The following NDE1 variants were observed in gnomAD, a reference collection of about 807,000 sequenced individuals.
The protein encoded by NDE1 is nudE neurodevelopment protein 1, also known as nuclear distribution protein nudE homolog 1.
A neutral mutation model predicts 43.4 loss-of-function variants in NDE1; 28 were observed. The ratio of observed to expected loss-of-function variants is 0.65; its 90% CI spans 0.48 to 0.89. The LOEUF is 0.89. Ranked by LOEUF, NDE1 falls within the 40% of genes least tolerant of loss-of-function variation. The pLI is 0.00. For missense variants in NDE1, 441 were observed against 434.1 expected (o/e 1.02, Z -0.14); for synonymous variants, 184 against 172.0 (o/e 1.07, Z -0.55).
chr16:15,687,111 A>G, intron 4 of NDE1: 1 of 1,337,192 alleles, frequency 7.5e-7, no homozygotes, highest in Non-Finnish European at 9.7e-7. Context: ...GCTTTGGCTT[A>G]TTGCTGAGTG....
chr16:15,713,349 T>C (rs2039928478), intron 8 of NDE1: 1 of 151,736 alleles, frequency 6.6e-6, no homozygotes, highest in African/African-American at 2.4e-5. Flanking sequence ...TTGAGTTAAG[T>C]AGGAAGTAAG....
chr16:15,656,140 A>G (rs1330097930), intron 1 of NDE1, among the ~76,000 whole-genome samples: 1 of 152,148 alleles, frequency 6.6e-6, no homozygotes, highest in Non-Finnish European at 1.5e-5. Flanking sequence ...AATAATAAAG[A>G]AAAAGAAAAA....
At chr16:15,700,097 G>A in intron 8 of NDE1, 1 of 1,141,634 alleles carries the variant, frequency 8.8e-7, no homozygotes, top group South Asian at 1.8e-5. Flanking sequence ...TCGGTGATGA[G>A]GCTACCGTGT....
intron 3 of NDE1, among the ~76,000 whole-genome samples, chr16:15,673,609 T>C (rs2037712831): frequency 6.6e-6 from 1 of 151,854 alleles, no homozygotes; most frequent in Non-Finnish European, 1.5e-5. Context: ...CATAGTTTAC[T>C]GGAGCCTCAA....
At chr16:15,693,209 T>A (rs1311290699) in intron 6 of NDE1, among the ~76,000 whole-genome samples, 1 of 152,138 alleles carries the variant, frequency 6.6e-6, no homozygotes, top group Non-Finnish European at 1.5e-5. Flanking sequence ...TTTGCCATGT[T>A]GGCCAGGCTG....
intron 1 of NDE1, among the ~76,000 whole-genome samples, chr16:15,661,861 A>G (rs1357514308): frequency 1.3e-5 from 2 of 152,130 alleles, no homozygotes; most frequent in African/African-American, 4.8e-5. Flanking sequence ...CCGAAAAGTC[A>G]TAATTCATCA....
intron 1 of NDE1, among the ~76,000 whole-genome samples, chr16:15,657,313 G>T (rs2151413243): frequency 6.6e-6 from 1 of 152,170 alleles, no homozygotes; most frequent in South Asian, 2.1e-4. Flanking sequence ...TGGCCAGGCT[G>T]GTCTTGAACT....
intron 1 of NDE1, among the ~76,000 whole-genome samples, chr16:15,659,748 C>CTTTTTTTTTTTTT: frequency 1.0e-5 from 1 of 98,974 alleles, no homozygotes; most frequent in Non-Finnish European, 2.2e-5. Context: ...TGGACACAAT[C>CTTTTTTTTTTTTT]TTTTTTTTTT....
chr16:15,710,405 CA>C (rs1160466673), intron 8 of NDE1, among the ~76,000 whole-genome samples: 1 of 152,180 alleles, frequency 6.6e-6, no homozygotes, highest in African/African-American at 2.4e-5. Flanking sequence ...CCTGTAATCT[CA>C]GCTACTTGGG....
chr16:15,686,972 C>G (rs1338745915), intron 4 of NDE1: 3 of 985,272 alleles, frequency 3.0e-6, no homozygotes, highest in Non-Finnish European at 3.6e-6. Context: ...GCTGGGATTA[C>G]AGGCATGAGC....
chr16:15,701,023 G>T (rs1596646038), intron 8 of NDE1, among the ~76,000 whole-genome samples: 1 of 152,020 alleles, frequency 6.6e-6, no homozygotes, highest in African/African-American at 2.4e-5. Context: ...ATTACCTGAG[G>T]TCAGGAGTTC....
At chr16:15,703,874 C>T (rs757668972) in intron 8 of NDE1, 3 of 1,366,506 alleles carry the variant, frequency 2.2e-6, no homozygotes, top group Non-Finnish European at 3.1e-6. Context: ...TGGATTTAGA[C>T]AATGCTAAGT....
At chr16:15,684,720 T>C (rs1343204001) in intron 4 of NDE1, 1 of 152,164 alleles carries the variant, frequency 6.6e-6, no homozygotes, top group Non-Finnish European at 1.5e-5. Context: ...AATCTAATAA[T>C]TTTTTCCTGG....
rs909968439 is a variant in NDE1 at position 15,686,055 on chromosome 16, G to A, written c.387-1320G>A. Among the ~76,000 whole-genome samples the A allele has an allele frequency of 2.0e-5, 3 of 151,616 alleles. No homozygotes were observed. In the Admixed American group the frequency reaches 2.0e-4, roughly 10 times the overall value. ...CAACATTCACCTTCTGGGTTCAAGC[G>A]ATTCTCCTGTCTCACCCTCCCGAGC... On this transcript the variant is annotated intron_variant, in intron 4 of 8. Transcript: ENST00000396354.
At chr16:15,644,476 C>T (rs184641426) in intron 1 of NDE1, among the ~76,000 whole-genome samples, 5 of 152,306 alleles carry the variant, frequency 3.3e-5, no homozygotes, top group Admixed American at 3.3e-4. Flanking sequence ...TTTATTACTG[C>T]TGACTAAATC....
In NDE1 at chr16:15,718,204, T is replaced by A; in HGVS notation, c.948-5987T>A. On this transcript the variant is annotated intron_variant, in intron 8 of 8. Transcript: ENST00000396354. The stretch of plus-strand genomic sequence containing the variant: ...TCAGGCCCCACCACCCTCTTGTCCC[T>A]CAATCCAGGGCCTGCACACAGGAAG... 1.3e-6 allele frequency: 2 copies of A among 1,560,208 alleles called. 1 individual carries two copies. Among genetic ancestry groups the A allele is most frequent in the South Asian group, 2.2e-5 (2 of 89,046 alleles).
At position 15,725,134 on chromosome 16, in the gene NDE1, TAAA is replaced by T. The variant is rs60544332; in HGVS notation, c.*896_*898del. On this transcript the variant is annotated 3_prime_UTR_variant, in exon 9 of 9. Coordinates refer to ENST00000396354, the MANE Select transcript of NDE1 (RefSeq NM_017668.3). Reference sequence around the variant, plus strand: ...ATACCCGTGAGGTATGGGACTCTGATAAAAAAAAAAAAAAACACACACACACAC... The same window carrying T: ...ATACCCGTGAGGTATGGGACTCTGATAAAAAAAAAAAACACACACACACAC... The T allele has an allele frequency of 1.6e-4, 88 of 540,654 alleles. No homozygotes were observed. Among genetic ancestry groups the T allele is most frequent in the Middle Eastern group, 4.8e-4 (1 of 2,076 alleles). 33.5% of individuals were successfully genotyped at this position (540,654 alleles called of 1,614,324 possible). A position where few individuals can be genotyped will look rare whatever the true frequency, so the allele number is the denominator to read the frequency against.
intron 3 of NDE1, among the ~76,000 whole-genome samples, chr16:15,667,825 G>T (rs913611299): frequency 2.0e-5 from 3 of 151,754 alleles, no homozygotes; most frequent in African/African-American, 7.3e-5. Flanking sequence ...AGTAGAGACG[G>T]GGTTTTATGT....
intron 7 of NDE1, chr16:15,695,762 T>A: frequency 1.0e-6 from 1 of 953,424 alleles, no homozygotes; most frequent in African/African-American, 1.8e-5. Flanking sequence ...GCTGTCTGGT[T>A]TGCTATTCTA....
Sources: gnomAD v4.1 joint callset for allele counts (sites outside exome capture counted in the v4.1 genomes callset) on GRCh38, gnomAD v4.1.1 for gene constraint, MANE v1.5 for transcripts, NCBI Gene and HGNC (gene_info 2026-07-23, HGNC 2026-07-21) for gene names.